Variants in MAGI2 observed in about 807,000 individuals in gnomAD.
MAGI2 encodes the protein membrane associated guanylate kinase, WW and PDZ domain containing 2, also known as membrane-associated guanylate kinase, WW and PDZ domain-containing protein 2.
A neutral mutation model predicts 133.3 loss-of-function variants in MAGI2; 35 were observed. The observed-to-expected ratio is 0.26, with a 90% confidence interval of 0.20 to 0.35. The LOEUF (loss-of-function observed/expected upper bound fraction) is 0.35. Ranked by LOEUF, MAGI2 falls within the 10% of genes least tolerant of loss-of-function variation. The pLI, the probability that MAGI2 is intolerant of heterozygous loss-of-function variation, is 1.00. For missense variants in MAGI2, 1,636 were observed against 1,863.4 expected (o/e 0.88, Z 2.25); for synonymous variants, 729 against 710.6 (o/e 1.03, Z -0.41).
At position 78,256,359 on chromosome 7, in the gene MAGI2, T is replaced by C; in HGVS notation, c.1631A>G (p.Tyr544Cys). The C allele has an allele frequency of 1.2e-6, 2 of 1,614,068 alleles. No homozygotes were observed. The highest frequency in any genetic ancestry group is 1.7e-6 in the Non-Finnish European group (2 of 1,179,994). The change falls in exon 10 of 22, where the codon TAT becomes TGT. Residue 544 changes from tyrosine (Y) to cysteine (C), a missense_variant. Physicochemically the swap from Tyr to Cys is radical, Grantham distance 194 (BLOSUM62 -2). Coordinates refer to ENST00000354212, the MANE Select transcript of MAGI2 (RefSeq NM_012301.4). The part of the protein sequence containing the change: ...PPVMVNGRHN[Y>C]ETYLEYISRT... ...AGAAATGTACTCCAAATATGTTTCA[T>C]AGTTGTGTCTTCCATTGACCATCAC...
intron 2 of MAGI2, among the ~76,000 whole-genome samples, chr7:78,938,304 A>T (rs2151672799): frequency 6.6e-6 from 1 of 152,270 alleles, no homozygotes; most frequent in South Asian, 2.1e-4. Context: ...GTTTTCATTC[A>T]TGGGAAAAGA....
At chr7:78,695,740 T>C (rs988921019) in intron 2 of MAGI2, among the ~76,000 whole-genome samples, 2 of 152,200 alleles carry the variant, frequency 1.3e-5, no homozygotes, top group African/African-American at 4.8e-5. Context: ...TCCACCATGC[T>C]AATAATACAC....
chr7:78,603,444 T>A (rs1488495084), intron 3 of MAGI2, among the ~76,000 whole-genome samples: 2 of 152,198 alleles, frequency 1.3e-5, no homozygotes, highest in African/African-American at 2.4e-5. Flanking sequence ...GAAGGCCACA[T>A]TGAAAGAAGA....
intron 1 of MAGI2, among the ~76,000 whole-genome samples, chr7:79,079,407 T>G (rs112467353): frequency 5.9e-5 from 9 of 152,312 alleles, no homozygotes; most frequent in African/African-American, 1.7e-4. Flanking sequence ...AGGTGTTCTA[T>G]GTCAATATTA....
intron 2 of MAGI2, among the ~76,000 whole-genome samples, chr7:78,942,900 A>AC (rs1339905738): frequency 6.6e-6 from 1 of 151,980 alleles, no homozygotes; most frequent in Non-Finnish European, 1.5e-5. Flanking sequence ...GTGAAAAAAA[A>AC]AAAAACAAAA....
chr7:78,067,506 T>G (rs927531584), intron 21 of MAGI2, among the ~76,000 whole-genome samples: 3 of 152,212 alleles, frequency 2.0e-5, no homozygotes, highest in Non-Finnish European at 4.4e-5. Context: ...GAAGAGTGCA[T>G]GCTGAACCGA....
chr7:79,105,687 CA>C (rs1562895445), intron 1 of MAGI2, among the ~76,000 whole-genome samples: 1 of 152,108 alleles, frequency 6.6e-6, no homozygotes, highest in Non-Finnish European at 1.5e-5. Flanking sequence ...TATCACAGAG[CA>C]AAATTCATAT....
intron 2 of MAGI2, among the ~76,000 whole-genome samples, chr7:78,660,661 A>G (rs1812850493): frequency 6.6e-6 from 1 of 152,192 alleles, no homozygotes; most frequent in Non-Finnish European, 1.5e-5. Flanking sequence ...CTTAAGTAAA[A>G]TGGGTATATT....
At chr7:78,730,551 A>T (rs1429307839) in intron 2 of MAGI2, among the ~76,000 whole-genome samples, 1 of 152,180 alleles carries the variant, frequency 6.6e-6, no homozygotes, top group Non-Finnish European at 1.5e-5. Context: ...GAAAAAGGTG[A>T]CTTTTAATAT....
At chr7:79,050,321 G>C (rs1311310840) in intron 1 of MAGI2, among the ~76,000 whole-genome samples, 2 of 152,116 alleles carry the variant, frequency 1.3e-5, no homozygotes, top group African/African-American at 2.4e-5. Context: ...CTGTGGGAGG[G>C]AGACATGAAA....
chr7:78,563,877 T>C (rs1020200921), intron 3 of MAGI2, among the ~76,000 whole-genome samples: 3 of 152,188 alleles, frequency 2.0e-5, no homozygotes, highest in Admixed American at 2.0e-4. Context: ...ATCACAAATA[T>C]AGTGTTTGAG....
intron 3 of MAGI2, among the ~76,000 whole-genome samples, chr7:78,555,896 T>G (rs1439995465): frequency 6.6e-6 from 1 of 152,208 alleles, no homozygotes; most frequent in African/African-American, 2.4e-5. Context: ...TAACCACTAC[T>G]GGGTGGACTG....
chr7:78,739,442 AG>A, intron 2 of MAGI2, among the ~76,000 whole-genome samples: 1 of 152,162 alleles, frequency 6.6e-6, no homozygotes, highest in South Asian at 2.1e-4. Flanking sequence ...TGATAGAACG[AG>A]GTGCCACTAC....
chr7:78,047,698 C>A (rs759002649), intron 21 of MAGI2, among the ~76,000 whole-genome samples: 1 of 152,228 alleles, frequency 6.6e-6, no homozygotes, highest in Admixed American at 6.5e-5. Flanking sequence ...TCCTTTGTTG[C>A]CCCACTGCTC....
intron 1 of MAGI2, among the ~76,000 whole-genome samples, chr7:79,270,762 A>G (rs1834816384): frequency 5.9e-5 from 9 of 152,056 alleles, no homozygotes; most frequent in Admixed American, 5.2e-4. Flanking sequence ...AACTAGGATA[A>G]GAATAAATAG....
chr7:79,256,894 A>G (rs1209900424), intron 1 of MAGI2, among the ~76,000 whole-genome samples: 1 of 152,188 alleles, frequency 6.6e-6, no homozygotes, highest in East Asian at 1.9e-4. Context: ...ATTTTCTTAT[A>G]CCTGAATTAG....
chr7:79,282,555 T>C (rs1195711601), intron 1 of MAGI2, among the ~76,000 whole-genome samples: 1 of 152,110 alleles, frequency 6.6e-6, no homozygotes, highest in Non-Finnish European at 1.5e-5. Context: ...ATGTATCTAC[T>C]ACATCTTTTA....
intron 21 of MAGI2, among the ~76,000 whole-genome samples, chr7:78,022,649 A>G (rs890025890): frequency 1.3e-5 from 2 of 152,250 alleles, no homozygotes; most frequent in African/African-American, 4.8e-5. Context: ...CCTTAAGCAG[A>G]AGACTTAGCA....
intron 2 of MAGI2, among the ~76,000 whole-genome samples, chr7:78,842,905 A>G (rs1156816023): frequency 6.6e-6 from 1 of 151,832 alleles, no homozygotes; most frequent in Admixed American, 6.6e-5. Context: ...TTTACAATAT[A>G]GGTTTATCTT....
Sources: gnomAD v4.1 joint callset for allele counts (sites outside exome capture counted in the v4.1 genomes callset) on GRCh38, gnomAD v4.1.1 for gene constraint, MANE v1.5 for transcripts, NCBI Gene and HGNC (gene_info 2026-07-23, HGNC 2026-07-21) for gene names.